The following CNTNAP2 variants were observed in gnomAD, a reference collection of about 807,000 sequenced individuals.
CNTNAP2 encodes the protein contactin associated protein 2.
Under a neutral mutation model 155.2 loss-of-function variants are expected in CNTNAP2, and 98 were observed. That is an observed-to-expected ratio of 0.63 (90% confidence interval 0.54 to 0.75). CNTNAP2 has a LOEUF of 0.75. Among genes scored for constraint, CNTNAP2 ranks in the 30% least tolerant of loss-of-function variants. The probability of loss-of-function intolerance (pLI) is 0.00; values close to 1 mark genes in which losing one functional copy is unlikely to be tolerated. For missense variants in CNTNAP2, 1,727 were observed against 1,688.1 expected, an observed-to-expected ratio of 1.02 and a Z score of -0.40; for synonymous variants, 651 against 631.2, an observed-to-expected ratio of 1.03 and a Z score of -0.47.
In CNTNAP2 at chr7:146,821,034, C is replaced by T. The variant is rs539762844; in HGVS notation, c.209-18677C>T. ...TTTGCTTGGTAGATCTTCCTCCATC[C>T]CTTTATTTTGAGCCTATGTGTGTGT... On this transcript the variant is annotated intron_variant, in intron 2 of 23. Coordinates refer to ENST00000361727, the MANE Select transcript of CNTNAP2 (RefSeq NM_014141.6). Among the ~76,000 whole-genome samples, 30 of 152,212 alleles carry T rather than the reference C, an allele frequency of 2.0e-4. No individual in the cohort carries two copies. The South Asian group carries it at 5.8e-3, about 30-fold the overall frequency.
intron 1 of CNTNAP2, among the ~76,000 whole-genome samples, chr7:146,189,621 G>T (rs1018359885): frequency 6.6e-6 from 1 of 152,154 alleles, no homozygotes; most frequent in Non-Finnish European, 1.5e-5. Flanking sequence ...CATTGTCAAA[G>T]AGAAAGTTAA....
intron 15 of CNTNAP2, among the ~76,000 whole-genome samples, chr7:148,108,083 T>C (rs1325840855): frequency 1.3e-5 from 2 of 152,062 alleles, no homozygotes; most frequent in African/African-American, 2.4e-5. Context: ...TAATTCCCCA[T>C]CTCCCCTCTG....
At chr7:146,210,404 A>G (rs1799015534) in intron 1 of CNTNAP2, among the ~76,000 whole-genome samples, 1 of 152,172 alleles carries the variant, frequency 6.6e-6, no homozygotes, top group African/African-American at 2.4e-5. Context: ...CCCGGGTTCA[A>G]GTGATTCTCC....
intron 17 of CNTNAP2, among the ~76,000 whole-genome samples, chr7:148,164,383 T>A (rs1441744983): frequency 1.3e-5 from 2 of 152,128 alleles, no homozygotes; most frequent in East Asian, 3.9e-4. Context: ...TTTTGCCCCC[T>A]GACCTAGCCA....
At chr7:147,782,076 C>A (rs1308797662) in intron 13 of CNTNAP2, among the ~76,000 whole-genome samples, 4 of 150,970 alleles carry the variant, frequency 2.6e-5, no homozygotes, top group Non-Finnish European at 5.9e-5. Context: ...GAAGTAGAAT[C>A]TCTAAAGGGG....
intron 9 of CNTNAP2, among the ~76,000 whole-genome samples, chr7:147,310,682 GA>G (rs1743643565): frequency 6.6e-6 from 1 of 151,990 alleles, no homozygotes; most frequent in Non-Finnish European, 1.5e-5. Context: ...TTAACAAAAA[GA>G]AAAAGAAATC....
intron 10 of CNTNAP2, among the ~76,000 whole-genome samples, chr7:147,448,330 A>C (rs1436034681): frequency 6.6e-6 from 1 of 152,046 alleles, no homozygotes; most frequent in East Asian, 1.9e-4. Flanking sequence ...TTATAACTAG[A>C]GAGATTTTTA....
chr7:147,401,727 G>A (rs1387983697), intron 10 of CNTNAP2, among the ~76,000 whole-genome samples: 1 of 152,146 alleles, frequency 6.6e-6, no homozygotes, highest in Admixed American at 6.5e-5. Context: ...GAGTTCTCAT[G>A]AGATCTGATA....
chr7:146,117,718 GTGTT>G (rs1472704257), intron 1 of CNTNAP2, among the ~76,000 whole-genome samples: 1 of 152,100 alleles, frequency 6.6e-6, no homozygotes, highest in Admixed American at 6.5e-5. Context: ...GTGTGTGTGT[GTGTT>G]TAAGACTGCC....
chr7:146,858,093 C>T (rs1362451227), intron 3 of CNTNAP2, among the ~76,000 whole-genome samples: 1 of 152,070 alleles, frequency 6.6e-6, no homozygotes, highest in African/African-American at 2.4e-5. Context: ...AGGGCCTTGA[C>T]AGAAGGAAAT....
intron 13 of CNTNAP2, among the ~76,000 whole-genome samples, chr7:147,821,237 A>C (rs1798355096): frequency 6.6e-6 from 1 of 152,184 alleles, no homozygotes; most frequent in East Asian, 1.9e-4. Context: ...AGTAAGTGAT[A>C]TAGGAAATGT....
At chr7:147,615,627 A>ACTT (rs1801275677) in intron 12 of CNTNAP2, among the ~76,000 whole-genome samples, 1 of 152,210 alleles carries the variant, frequency 6.6e-6, no homozygotes, top group African/African-American at 2.4e-5. Flanking sequence ...GCATACAAAT[A>ACTT]CATTGTAATG....
chr7:147,858,416 A>C (rs550996835), intron 13 of CNTNAP2, among the ~76,000 whole-genome samples: 1 of 152,330 alleles, frequency 6.6e-6, no homozygotes, highest in Non-Finnish European at 1.5e-5. Context: ...TTCAACATGG[A>C]AATAAAGCTT....
intron 3 of CNTNAP2, among the ~76,000 whole-genome samples, chr7:146,927,763 ATG>A (rs534877116): frequency 2.0e-4 from 31 of 151,530 alleles, no homozygotes; most frequent in African/African-American, 7.3e-4. Flanking sequence ...TTCACTTTAA[ATG>A]TGTGTGTGTG....
chr7:147,196,583 A>T (rs1802804394), intron 8 of CNTNAP2, among the ~76,000 whole-genome samples: 1 of 152,196 alleles, frequency 6.6e-6, no homozygotes, highest in African/African-American at 2.4e-5. Context: ...TCTTGAGTGA[A>T]GAGTGCAAAC....
chr7:147,101,400 G>A (rs142880045), intron 4 of CNTNAP2, among the ~76,000 whole-genome samples: 11 of 152,190 alleles, frequency 7.2e-5, no homozygotes, highest in Admixed American at 3.9e-4. Context: ...GAGCTGGAGC[G>A]AGCGCTTTTG....
intron 9 of CNTNAP2, among the ~76,000 whole-genome samples, chr7:147,347,682 C>T (rs1021456996): frequency 2.0e-5 from 3 of 151,704 alleles, no homozygotes; most frequent in Admixed American, 2.0e-4. Context: ...GAAAAAAATT[C>T]TAAAATGTGT....
chr7:146,838,122 A>G (rs552757574), intron 2 of CNTNAP2, among the ~76,000 whole-genome samples: 32 of 152,146 alleles, frequency 2.1e-4, no homozygotes, highest in South Asian at 1.7e-3. Flanking sequence ...GAATTGTAAT[A>G]TGTTTCCGTT....
intron 13 of CNTNAP2, among the ~76,000 whole-genome samples, chr7:147,902,222 A>C (rs1482230381): frequency 6.6e-6 from 1 of 152,188 alleles, no homozygotes; most frequent in African/African-American, 2.4e-5. Flanking sequence ...ACATATTCCC[A>C]TGAGAAATCT....
Sources: allele counts gnomAD v4.1 joint callset (sites outside exome capture counted in the v4.1 genomes callset), GRCh38; gene constraint gnomAD v4.1.1; transcripts MANE v1.5; gene names NCBI Gene and HGNC (gene_info 2026-07-23, HGNC 2026-07-21).